RASA2: variants seen among roughly 807,000 people sequenced by gnomAD.
RASA2 encodes RAS p21 protein activator 2.
Under a neutral mutation model 118.2 loss-of-function variants are expected in RASA2, and 155 were observed. The observed-to-expected ratio is 1.31, with a 90% CI of 1.15 to 1.50. RASA2 has a LOEUF of 1.50. RASA2 is among the 40% of genes most tolerant of loss of function. The pLI, the probability that RASA2 is intolerant of heterozygous loss-of-function variation, is 0.00. For synonymous variants in RASA2, 353 were observed against 349.1 expected, an observed-to-expected ratio of 1.01 and a Z score of -0.12; for missense variants, 1,016 against 1,009.6, an observed-to-expected ratio of 1.01 and a Z score of -0.09.
At chr3:141,594,326 TAGA>T in intron 19 of RASA2, among the ~76,000 whole-genome samples, 1 of 151,656 alleles carries the variant, frequency 6.6e-6, no homozygotes, top group Non-Finnish European at 1.5e-5. Flanking sequence ...GTTGGTGTCC[TAGA>T]AGGAGAGTAG....
At chr3:141,567,978 T>C (rs944001401) in intron 9 of RASA2, among the ~76,000 whole-genome samples, 1 of 152,152 alleles carries the variant, frequency 6.6e-6, no homozygotes, top group African/African-American at 2.4e-5. Flanking sequence ...AGCAAATAAA[T>C]AATTTTCCCC....
rs56396460 is a variant in RASA2 at position 141,584,330 on chromosome 3, CAAAAAAA to C, written c.1753-1676_1753-1670del. On this transcript the variant is annotated intron_variant, in intron 17 of 23. Transcript: ENST00000286364. The stretch of plus-strand genomic sequence containing the variant: ...TGGGCGACAGAACAAAACTCCATCC[CAAAAAAA>C]AAAAAAAAAAAAAAAAAAGAAAGGA... 4.7e-3 allele frequency among the ~76,000 whole-genome samples: 283 copies of C among 60,702 alleles called. 3 individuals carry two copies. Among genetic ancestry groups the C allele is most frequent in the African/African-American group, 0.014 (241 of 17,716 alleles). The allele number at this position is 60,702 out of a possible 152,430, so 39.8% of individuals were successfully genotyped here.
intron 9 of RASA2, among the ~76,000 whole-genome samples, chr3:141,570,394 A>G (rs2082899353): frequency 6.6e-6 from 1 of 151,802 alleles, no homozygotes; most frequent in Non-Finnish European, 1.5e-5. Context: ...TGATTTTTGT[A>G]TTTTTAGTAA....
intron 3 of RASA2, among the ~76,000 whole-genome samples, chr3:141,520,542 AGTGTGT>A (rs34101510): frequency 1.3e-5 from 2 of 150,700 alleles, no homozygotes; most frequent in African/African-American, 4.9e-5. Context: ...ATATAACTGG[AGTGTGT>A]GTGTGTGTGT....
intron 19 of RASA2, among the ~76,000 whole-genome samples, chr3:141,599,716 A>C (rs1184417732): frequency 6.9e-6 from 1 of 144,610 alleles, no homozygotes; most frequent in East Asian, 1.9e-4. Flanking sequence ...TATGTGATAA[A>C]GGAGGCATTT....
chr3:141,587,528 A>G (rs1253306280), intron 19 of RASA2, among the ~76,000 whole-genome samples: 2 of 152,194 alleles, frequency 1.3e-5, no homozygotes, highest in African/African-American at 2.4e-5. Flanking sequence ...CCTGACCAAC[A>G]TGGCAAAACC....
chr3:141,519,192 G>A (rs1048760517), intron 3 of RASA2, among the ~76,000 whole-genome samples: 1 of 151,948 alleles, frequency 6.6e-6, no homozygotes, highest in African/African-American at 2.4e-5. Context: ...TAATATGGAC[G>A]ACATAAATGT....
At chr3:141,604,691 T>G (rs1412470173) in intron 19 of RASA2, among the ~76,000 whole-genome samples, 1 of 151,404 alleles carries the variant, frequency 6.6e-6, no homozygotes, top group Non-Finnish European at 1.5e-5. Context: ...TAAGGAATTC[T>G]TTCAGATAGG....
rs568671557 is a variant in RASA2, at chr3:141,578,323, G to A, written c.1590+1217G>A. Among the ~76,000 whole-genome samples, 9 of 152,240 alleles carry A rather than the reference G, an allele frequency of 5.9e-5. No individual in the cohort carries two copies. In the East Asian group the frequency reaches 1.5e-3, roughly 26 times the overall value. ...TAATCCTATCCCTTCCAACCTCTTA[G>A]ACAGATGTTCAAGTACCTATAATGT... On this transcript the variant is annotated intron_variant, in intron 15 of 23. Coordinates refer to ENST00000286364, the MANE Select transcript of RASA2 (RefSeq NM_006506.5).
chr3:141,598,376 A>G (rs2083408584), intron 19 of RASA2, among the ~76,000 whole-genome samples: 1 of 152,226 alleles, frequency 6.6e-6, no homozygotes, highest in Non-Finnish European at 1.5e-5. Context: ...TTAACAGACT[A>G]AATGTATTTG....
intron 1 of RASA2, among the ~76,000 whole-genome samples, chr3:141,499,221 C>T (rs1358373717): frequency 1.3e-5 from 2 of 152,148 alleles, no homozygotes; most frequent in Non-Finnish European, 2.9e-5. Flanking sequence ...GTTCTGTAGA[C>T]TTTATCACTG....
intron 5 of RASA2, among the ~76,000 whole-genome samples, chr3:141,553,103 A>T (rs2082597821): frequency 6.6e-6 from 1 of 152,212 alleles, no homozygotes; most frequent in Non-Finnish European, 1.5e-5. Flanking sequence ...GGAGCTGTTT[A>T]CTGAGAATTG....
chr3:141,492,301 G>C (rs1318001175), intron 1 of RASA2, among the ~76,000 whole-genome samples: 1 of 152,146 alleles, frequency 6.6e-6, no homozygotes, highest in African/African-American at 2.4e-5. Flanking sequence ...AATAATATCA[G>C]ATTACATGTT....
chr3:141,553,913 C>T lies in RASA2; in HGVS notation c.584C>T (p.Ala195Val). The T allele has an allele frequency of 6.2e-7, 1 of 1,612,534 alleles. No individual in the cohort carries two copies. The highest frequency in any genetic ancestry group is 8.5e-7 in the Non-Finnish European group (1 of 1,179,094). Residue 195 changes from alanine (A) to valine (V), a missense_variant, in exon 6 of 24, where the codon GCA becomes GTA. Transcript: ENST00000286364. The stretch of plus-strand genomic sequence containing the variant: ...AATGGCCAAAGCTGTGACCCTTATG[C>T]AACAGTTTCTCTAGTGGGCCCTTCT... ...LINGQSCDPYATVSLVGPSRN... is the reference protein window; with the variant it reads ...LINGQSCDPYVTVSLVGPSRN...
intron 3 of RASA2, among the ~76,000 whole-genome samples, chr3:141,517,676 C>T (rs540204578): frequency 9.9e-5 from 15 of 151,892 alleles, no homozygotes; most frequent in Middle Eastern, 3.4e-3. Flanking sequence ...TTTTTTGAGA[C>T]GGAGTGTCAC....
chr3:141,613,821 C>G lies in RASA2; in HGVS notation c.*1508C>G, dbSNP rs2107808071. 1 of 152,210 alleles carries G rather than the reference C, an allele frequency of 6.6e-6. No homozygotes were observed. Among genetic ancestry groups the G allele is most frequent in the South Asian group, 2.1e-4 (1 of 4,828 alleles). The allele number at this position is 152,210 out of a possible 1,614,324, so 9.4% of individuals were successfully genotyped here. On this transcript the variant is annotated 3_prime_UTR_variant, in exon 24 of 24. Transcript: ENST00000286364. Reference sequence around the variant, plus strand: ...TGTTCCATAAAAGAATATAACTGAGCAATGTATTTCTCTAAATGACTTGTA... The same window carrying G: ...TGTTCCATAAAAGAATATAACTGAGGAATGTATTTCTCTAAATGACTTGTA...
At position 141,608,477 on chromosome 3, in the gene RASA2, T is replaced by G. The variant is rs758762874; in HGVS notation, c.2017-12T>G. 1 of 1,611,610 alleles carries G rather than the reference T, an allele frequency of 6.2e-7. No individual in the cohort carries two copies. The highest frequency in any genetic ancestry group is 1.1e-5 in the South Asian group (1 of 91,014). ...TCTTGTCACTAACTTTTTATCTTAA[T>G]TGCCTATGAAGATGTTCCAAGTAAT... On this transcript the variant is annotated splice_polypyrimidine_tract_variant and intron_variant, in intron 20 of 23. Transcript: ENST00000286364.
chr3:141,513,667 G>A (rs1365163616), intron 2 of RASA2, among the ~76,000 whole-genome samples: 1 of 152,034 alleles, frequency 6.6e-6, no homozygotes, highest in East Asian at 1.9e-4. Context: ...ACATTTGAAG[G>A]GAAAAATATA....
intron 3 of RASA2, among the ~76,000 whole-genome samples, chr3:141,517,950 C>T (rs868341636): frequency 2.0e-5 from 3 of 152,112 alleles, no homozygotes; most frequent in East Asian, 3.9e-4. Context: ...CCACTGCTCC[C>T]GGCCAATAAA....
Sources: allele counts gnomAD v4.1 joint callset (sites outside exome capture counted in the v4.1 genomes callset), GRCh38; gene constraint gnomAD v4.1.1; transcripts MANE v1.5; gene names NCBI Gene and HGNC (gene_info 2026-07-23, HGNC 2026-07-21).